SKOR2: variants seen among roughly 807,000 people sequenced by gnomAD.
The protein encoded by SKOR2 is LBX1 corepressor 1-like protein.
In SKOR2, 47 loss-of-function variants were observed where a neutral mutation model predicts 69.1. That is an observed-to-expected ratio of 0.68 (90% confidence interval 0.54 to 0.87). The LOEUF (loss-of-function observed/expected upper bound fraction) is 0.87, where lower values mean the gene tolerates loss of function less well. Ranked by LOEUF, SKOR2 falls within the 40% of genes least tolerant of loss-of-function variation. SKOR2 has a pLI of 0.00. For missense variants in SKOR2, 1,404 were observed against 1,472.2 expected (o/e 0.95, Z 0.76); for synonymous variants, 717 against 672.6 (o/e 1.07, Z -1.02).
intron 6 of SKOR2, among the ~76,000 whole-genome samples, chr18:47,225,519 CAGA>C (rs796433807): frequency 5.9e-5 from 9 of 152,270 alleles, no homozygotes; most frequent in African/African-American, 2.2e-4. Context: ...CAGGTGGCAA[CAGA>C]AGAACATTCT....
intron 7 of SKOR2, among the ~76,000 whole-genome samples, chr18:47,218,644 G>A (rs1254340466): frequency 6.7e-6 from 1 of 150,048 alleles, no homozygotes; most frequent in African/African-American, 2.5e-5. Context: ...AATAAGGAAG[G>A]TGTTAAAATT....
Position 47,212,145 on chromosome 18 carries a change from AG to A in SKOR2, c.2991del (p.Tyr998MetfsTer5). 8.1e-7 allele frequency: 1 copy of A among 1,231,980 alleles called. No homozygotes were observed. Among genetic ancestry groups the A allele is most frequent in the South Asian group, 4.1e-5 (1 of 24,320 alleles). The allele number at this position is 1,231,980 out of a possible 1,614,324, so 76.3% of individuals were successfully genotyped here. On this transcript the variant is annotated frameshift_variant, in exon 8 of 9. Coordinates refer to ENST00000425639, the MANE Select transcript of SKOR2 (RefSeq NM_001278063.4). LOFTEE classifies it high-confidence loss of function. Reference protein sequence around the residue: ...EEMVQQLQIIPYAASLIRKEK... With the variant: ...EEMVQQLQIIXYAASLIRKEK... ...TCTTTCCTGATCAAACTTGCTGCATAGGGGATCTGTAAGACAAAAACAAGCA... is the reference window on the plus strand; with the variant it reads ...TCTTTCCTGATCAAACTTGCTGCATAGGGATCTGTAAGACAAAAACAAGCA...
chr18:47,250,672 C>G (rs528682762), intron 1 of SKOR2, among the ~76,000 whole-genome samples: 1 of 152,316 alleles, frequency 6.6e-6, no homozygotes, highest in East Asian at 1.9e-4. Flanking sequence ...GTCCTGCTGC[C>G]CCCTGGATCC....
At chr18:47,235,825 A>G (rs553028736) in intron 4 of SKOR2, among the ~76,000 whole-genome samples, 1 of 150,942 alleles carries the variant, frequency 6.6e-6, no homozygotes, top group South Asian at 2.1e-4. Flanking sequence ...CAATAGCACT[A>G]GCTTTCAAGG....
chr18:47,230,122 T>A (rs1367034326), intron 6 of SKOR2, among the ~76,000 whole-genome samples: 1 of 152,038 alleles, frequency 6.6e-6, no homozygotes, highest in Non-Finnish European at 1.5e-5. Context: ...ACAAAGTAGT[T>A]CTTTTGTTTT....
Position 47,247,675 on chromosome 18 carries a change from C to T in SKOR2, c.1509G>A (p.Pro503=), listed in dbSNP as rs1466615369. 4 of 1,370,944 alleles carry T rather than the reference C, an allele frequency of 2.9e-6. No homozygotes were observed. Among genetic ancestry groups the T allele is most frequent in the Non-Finnish European group, 3.7e-6 (4 of 1,067,096 alleles). The allele number at this position is 1,370,944 out of a possible 1,614,324, so 84.9% of individuals were successfully genotyped here. Residue 503 remains proline, a synonymous_variant, in exon 2 of 9, where the codon CCG becomes CCA. Coordinates refer to ENST00000425639, the MANE Select transcript of SKOR2 (RefSeq NM_001278063.4). The surrounding 1 kb of genome is among the most constrained non-coding windows in gnomAD (Gnocchi z 6.6). ...CCAGGAAGGCCTGGCGCAGCAGGGC[C>T]GGGCTTTCGCCTAGCGCGCAGCCTA... ...SALGCALGES[P]ALLRQAFLDL...
rs1264069317 is a variant in SKOR2, at chr18:47,249,118, C to A, written c.66G>T (p.Gln22His). 17 of 1,535,948 alleles carry A rather than the reference C, an allele frequency of 1.1e-5. No individual in the cohort carries two copies. The highest frequency in any genetic ancestry group is 1.4e-5 in the Non-Finnish European group (16 of 1,146,844). Residue 22 changes from glutamine to histidine, a missense_variant, in exon 2 of 9, where the codon CAG (glutamine) becomes CAT (histidine). By Grantham distance (24) the Gln-to-His change is conservative. Coordinates refer to ENST00000425639, the MANE Select transcript of SKOR2 (RefSeq NM_001278063.4). ...ILLASPSSAF[Q>H]PDTLSQPRPG... ...GCCGCGGCTGGCTCAGCGTGTCGGG[C>A]TGGAAGGCGCTCGACGGCGACGCCA...
intron 3 of SKOR2, 26 bp from the exon 4 acceptor site, chr18:47,245,008 C>A (rs1225526644): frequency 1.3e-6 from 2 of 1,527,306 alleles, no homozygotes; most frequent in Admixed American, 4.0e-5. Flanking sequence ...AACACAAAAT[C>A]TGCAAGTGAT....
intron 4 of SKOR2, among the ~76,000 whole-genome samples, chr18:47,239,620 A>T (rs1415348263): frequency 1.3e-5 from 2 of 152,182 alleles, no homozygotes; most frequent in African/African-American, 2.4e-5. Flanking sequence ...TGGTCTTGTG[A>T]GTTAATGCTG....
At position 47,248,378 on chromosome 18, in the gene SKOR2, G is replaced by A; in HGVS notation, c.806C>T (p.Ala269Val). 2.3e-6 allele frequency: 3 copies of A among 1,292,268 alleles called. No homozygotes were observed. Among genetic ancestry groups the A allele is most frequent in the South Asian group, 2.4e-5 (1 of 41,066 alleles). The allele number at this position is 1,292,268 out of a possible 1,614,324, so 80.1% of individuals were successfully genotyped here. ...VKAAAVAAAA[A>V]VAGGGGLLGP... ...CAGCAGACCCCCGCCTCCGGCCACC[G>A]CGGCCGCGGCGGCCACGGCGGCCGC... The change falls in exon 2 of 9, where the codon GCG (alanine) becomes GTG (valine). Residue 269 changes from alanine to valine, a missense_variant. Ala to Val is a moderately conservative substitution (Grantham distance 64). Coordinates refer to ENST00000425639, the MANE Select transcript of SKOR2 (RefSeq NM_001278063.4). The surrounding 1 kb of genome is among the most constrained non-coding windows in gnomAD (Gnocchi z 6.4).
chr18:47,220,514 C>T (rs777404349), intron 6 of SKOR2, among the ~76,000 whole-genome samples: 12 of 152,160 alleles, frequency 7.9e-5, no homozygotes, highest in Admixed American at 2.0e-4. Context: ...GAGAATACTT[C>T]GGCCTGACTC....
chr18:47,234,818 G>A (rs1338855845), intron 4 of SKOR2, among the ~76,000 whole-genome samples: 2 of 131,154 alleles, frequency 1.5e-5, no homozygotes, highest in Non-Finnish European at 1.6e-5. Flanking sequence ...CCGAGATCAC[G>A]CCACTGCATT....
intron 7 of SKOR2, among the ~76,000 whole-genome samples, chr18:47,214,756 T>C (rs1016451974): frequency 6.6e-6 from 1 of 152,144 alleles, no homozygotes; most frequent in Non-Finnish European, 1.5e-5. Flanking sequence ...AAATGCAACA[T>C]TGGACTTGCA....
intron 5 of SKOR2, 62 bp downstream of exon 5, chr18:47,230,873 C>A (rs541588492): frequency 6.8e-7 from 1 of 1,474,362 alleles, no homozygotes; most frequent in Non-Finnish European, 9.1e-7. Context: ...AAATATCCTC[C>A]TATTATCTCC....
In SKOR2 at chr18:47,247,846, G is replaced by A; in HGVS notation, c.1338C>T (p.Pro446=). 7.3e-7 allele frequency: 1 copy of A among 1,365,486 alleles called. No homozygotes were observed. Among genetic ancestry groups the A allele is most frequent in the South Asian group, 1.8e-5 (1 of 57,026 alleles). The allele number at this position is 1,365,486 out of a possible 1,614,324, so 84.6% of individuals were successfully genotyped here. A position where few individuals can be genotyped will look rare whatever the true frequency, so the allele number is the denominator to read the frequency against. Residue 446 remains proline, a synonymous_variant, in exon 2 of 9, where the codon CCC becomes CCT. Transcript: ENST00000425639. This position sits in a 1 kb window ranked among gnomAD's most constrained non-coding sequence, Gnocchi z 6.6. ...AGAAGAGGCCGGACAAGCCGGCCTT[G>A]GGCGCCGCGCCCGCGCCGCCTGCGC... is the stretch of plus-strand genomic sequence containing the variant. ...GAGAGGAGAA[P]KAGLSGLFWP...
intron 3 of SKOR2, 148 bp from the exon 4 acceptor site, chr18:47,245,130 G>A: frequency 1.5e-6 from 1 of 652,496 alleles, no homozygotes; most frequent in Non-Finnish European, 2.6e-6. Flanking sequence ...CAATCAGAAG[G>A]CTCTAGGTAT....
chr18:47,228,126 G>A (rs972325936), intron 6 of SKOR2, among the ~76,000 whole-genome samples: 2 of 152,100 alleles, frequency 1.3e-5, no homozygotes, highest in Admixed American at 6.5e-5. Flanking sequence ...CTAGCCTCAC[G>A]GCCCCTCACA....
At chr18:47,211,994 C>G (rs1568082504) in intron 8 of SKOR2, 92 bp downstream of exon 8, 1 of 1,157,456 alleles carries the variant, frequency 8.6e-7, no homozygotes, top group Admixed American at 4.3e-5. Flanking sequence ...TTACCAATCC[C>G]TTGGGCTATT....
At position 47,249,178 on chromosome 18, in the gene SKOR2, A is replaced by C; in HGVS notation, c.6T>G (p.Ala2=). M[A]SSPLPGPNDI... ...CGTTGGGCCCTGGCAGCGGACTGGA[A>C]GCCATCTCCGCCGCAGAACCCCGGG... Residue 2 remains alanine (A), a synonymous_variant, in exon 2 of 9, where the codon GCT becomes GCG. Transcript: ENST00000425639. 1 of 1,534,556 alleles carries C rather than the reference A, an allele frequency of 6.5e-7. No individual in the cohort carries two copies. Among genetic ancestry groups the C allele is most frequent in the Non-Finnish European group, 8.7e-7 (1 of 1,146,008 alleles).
Sources: gnomAD v4.1 joint callset for allele counts (sites outside exome capture counted in the v4.1 genomes callset) on GRCh38, gnomAD v4.1.1 for gene constraint, Gnocchi (gnomAD v3.1) non-coding constraint, MANE v1.5 for transcripts, NCBI Gene and HGNC (gene_info 2026-07-23, HGNC 2026-07-21) for gene names.